The following ANKS1A variants were observed in gnomAD, a reference collection of about 807,000 sequenced individuals.
The protein encoded by ANKS1A is ankyrin repeat and sterile alpha motif domain containing 1A, also known as ankyrin repeat and SAM domain-containing protein 1A.
In ANKS1A, 55 loss-of-function variants were observed where a neutral mutation model predicts 120.3. That is an observed-to-expected ratio of 0.46 (90% CI 0.37 to 0.57). ANKS1A has a LOEUF of 0.57. Ranked by LOEUF, ANKS1A falls within the 20% of genes least tolerant of loss-of-function variation. ANKS1A has a pLI of 0.00. For synonymous variants in ANKS1A, 590 were observed against 604.7 expected, an observed-to-expected ratio of 0.98 and a Z score of 0.36; for missense variants, 1,123 against 1,480.3, an observed-to-expected ratio of 0.76 and a Z score of 3.96.
intron 1 of ANKS1A, among the ~76,000 whole-genome samples, chr6:34,929,833 TTCTC>T (rs548356626): frequency 3.4e-5 from 5 of 147,058 alleles, no homozygotes; most frequent in Admixed American, 2.0e-4. Flanking sequence ...CTTTCTTTCT[TTCTC>T]TCTTTCTTTC....
chr6:34,985,335 G>A (rs979398292), intron 8 of ANKS1A, 57 bp downstream of exon 8: 4 of 1,543,514 alleles, frequency 2.6e-6, no homozygotes, highest in Non-Finnish European at 2.6e-6. Context: ...TGGCCCCTGA[G>A]GTGATGGGGC....
chr6:35,012,512 A>G (rs1276072846), intron 10 of ANKS1A, among the ~76,000 whole-genome samples: 1 of 152,208 alleles, frequency 6.6e-6, no homozygotes, highest in East Asian at 1.9e-4. Flanking sequence ...ACAATATGAG[A>G]CACTGGGTCC....
chr6:34,901,541 C>T (rs1767350581), intron 1 of ANKS1A, among the ~76,000 whole-genome samples: 1 of 152,124 alleles, frequency 6.6e-6, no homozygotes, highest in Admixed American at 6.6e-5. Flanking sequence ...GATGAGGTCT[C>T]ACCCTGTCAC....
intron 11 of ANKS1A, among the ~76,000 whole-genome samples, chr6:35,047,874 G>GTCATGT (rs1184589636): frequency 6.6e-6 from 1 of 152,192 alleles, no homozygotes; most frequent in Non-Finnish European, 1.5e-5. Flanking sequence ...TTTCCTCCCG[G>GTCATGT]TCATGTTCAT....
At chr6:35,063,984 C>T (rs1776642073) in intron 13 of ANKS1A, among the ~76,000 whole-genome samples, 1 of 152,198 alleles carries the variant, frequency 6.6e-6, no homozygotes, top group African/African-American at 2.4e-5. Context: ...ATCACAGAGA[C>T]AGGAAAGGCC....
rs564349912 is a variant in ANKS1A, at chr6:34,893,968, A to AT, written c.197+4376dup. Among the ~76,000 whole-genome samples, 21 of 152,302 alleles carry AT rather than the reference A, an allele frequency of 1.4e-4. No homozygotes were observed. In the East Asian group the frequency reaches 4.0e-3, roughly 29 times the overall value. ...TTCTATCCAAAATGGTTTAAATATA[A>AT]TTTTTTTACTTAAAAGGATAAGCAA... On this transcript the variant is annotated intron_variant, in intron 1 of 23. Coordinates refer to ENST00000360359, the MANE Select transcript of ANKS1A (RefSeq NM_015245.3).
At chr6:34,927,399 T>G (rs1768769958) in intron 1 of ANKS1A, among the ~76,000 whole-genome samples, 1 of 151,996 alleles carries the variant, frequency 6.6e-6, no homozygotes, top group Non-Finnish European at 1.5e-5. Context: ...TATGTGATTT[T>G]GGGGATGGGA....
intron 3 of ANKS1A, chr6:34,972,619 CTTTGACCCTTA>C: frequency 2.0e-6 from 2 of 985,380 alleles, no homozygotes; most frequent in Non-Finnish European, 2.4e-6. Flanking sequence ...AGTACGGCCC[CTTTGACCCTTA>C]TATCAATGCC....
intron 11 of ANKS1A, among the ~76,000 whole-genome samples, chr6:35,032,038 A>C (rs1403980700): frequency 6.6e-6 from 1 of 152,260 alleles, no homozygotes; most frequent in Non-Finnish European, 1.5e-5. Flanking sequence ...TAGGCTGGGC[A>C]TACAGAAATG....
At position 35,044,569 on chromosome 6, in the gene ANKS1A, G is replaced by A. The variant is rs188230245; in HGVS notation, c.2011-9530G>A. Among the ~76,000 whole-genome samples the A allele has an allele frequency of 8.6e-4, 131 of 152,214 alleles. 1 individual carries two copies. The highest frequency in any genetic ancestry group is 5.4e-3 in the South Asian group (26 of 4,822). On this transcript the variant is annotated intron_variant, in intron 11 of 23. Transcript: ENST00000360359. The surrounding 1 kb of genome is among the most constrained non-coding windows in gnomAD (Gnocchi z 4.4). ...TGTCTTGGATCCTCCGGTTTGCTTCGCGCCCCAAGAGCTGCCTTGTAGAAA... is the reference window on the plus strand; with the variant it reads ...TGTCTTGGATCCTCCGGTTTGCTTCACGCCCCAAGAGCTGCCTTGTAGAAA...
chr6:35,064,827 A>C lies in ANKS1A; in HGVS notation c.2184+4574A>C, dbSNP rs1031566423. Among the ~76,000 whole-genome samples the C allele has an allele frequency of 4.0e-5, 6 of 150,568 alleles. No homozygotes were observed. The East Asian group carries it at 1.2e-3, about 30-fold the overall frequency. On this transcript the variant is annotated intron_variant, in intron 13 of 23. Coordinates refer to ENST00000360359, the MANE Select transcript of ANKS1A (RefSeq NM_015245.3). ...CCCCCGTCCCATCTCCCTGCACAGC[A>C]CTCCATGAGCTGACTGCTGTCTTGG...
intron 1 of ANKS1A, among the ~76,000 whole-genome samples, chr6:34,894,874 G>A (rs994003999): frequency 6.6e-6 from 1 of 152,190 alleles, no homozygotes; most frequent in Non-Finnish European, 1.5e-5. Flanking sequence ...TCAAGCATGA[G>A]AAGGGTGAAT....
At chr6:34,976,515 A>AT (rs1470464929) in intron 3 of ANKS1A, among the ~76,000 whole-genome samples, 10 of 152,226 alleles carry the variant, frequency 6.6e-5, no homozygotes, top group African/African-American at 2.4e-4. Context: ...GGGCAGATCT[A>AT]TTTTTTTGGT....
At chr6:35,026,365 C>T (rs888495088) in intron 11 of ANKS1A, among the ~76,000 whole-genome samples, 8 of 152,200 alleles carry the variant, frequency 5.3e-5, no homozygotes, top group African/African-American at 1.9e-4. Flanking sequence ...TTGTTGAGCA[C>T]CTGCTCTGTT....
intron 10 of ANKS1A, among the ~76,000 whole-genome samples, chr6:35,007,375 T>TA (rs1469343260): frequency 1.3e-5 from 2 of 152,236 alleles, no homozygotes; most frequent in African/African-American, 4.8e-5. Context: ...CATGTGATTT[T>TA]ATGGTAGTTT....
Position 35,091,142 on chromosome 6 carries a change from T to G in ANKS1A, c.*2533T>G. ...GGACTGAACTGTAATGAAAATGTTA[T>G]TTAATCTTTGTCTCTGTATTTTGAT... On this transcript the variant is annotated 3_prime_UTR_variant, in exon 24 of 24. Transcript: ENST00000360359. 1.0e-6 allele frequency: 1 copy of G among 985,898 alleles called. No homozygotes were observed. Among genetic ancestry groups the G allele is most frequent in the Non-Finnish European group, 1.2e-6 (1 of 829,926 alleles). The allele number at this position is 985,898 out of a possible 1,614,324, so 61.1% of individuals were successfully genotyped here.
At chr6:34,968,774 C>A (rs181476359) in intron 2 of ANKS1A, among the ~76,000 whole-genome samples, 2 of 152,258 alleles carry the variant, frequency 1.3e-5, no homozygotes, top group Non-Finnish European at 2.9e-5. Context: ...TTATTGGAAT[C>A]ATTTTAGATT....
intron 11 of ANKS1A, among the ~76,000 whole-genome samples, chr6:35,053,667 A>G (rs972340571): frequency 6.6e-6 from 1 of 152,168 alleles, no homozygotes; most frequent in African/African-American, 2.4e-5. Flanking sequence ...TACCCTAGGC[A>G]CTCAGGGTAG....
At chr6:34,964,531 A>T (rs1278044488) in intron 1 of ANKS1A, among the ~76,000 whole-genome samples, 1 of 152,200 alleles carries the variant, frequency 6.6e-6, no homozygotes. Context: ...AAATCTTTCC[A>T]TGTCAGGACT....
Sources: allele counts gnomAD v4.1 joint callset (sites outside exome capture counted in the v4.1 genomes callset), GRCh38; gene constraint gnomAD v4.1.1; non-coding constraint Gnocchi (gnomAD v3.1); transcripts MANE v1.5; gene names NCBI Gene and HGNC (gene_info 2026-07-23, HGNC 2026-07-21).